The following REXO1 variants were observed in gnomAD, a reference collection of about 807,000 sequenced individuals.
REXO1 encodes the protein RNA exonuclease 1 homolog.
In REXO1, 42 loss-of-function variants were observed where a neutral mutation model predicts 102.6. The observed-to-expected ratio is 0.41, with a 90% CI of 0.32 to 0.53. REXO1 has a LOEUF of 0.53. Ranked by LOEUF, REXO1 falls within the 20% of genes least tolerant of loss-of-function variation. REXO1 has a pLI of 0.27. For synonymous variants in REXO1, 908 were observed against 779.1 expected, an observed-to-expected ratio of 1.17 and a Z score of -2.76; for missense variants, 1,819 against 1,732.5, an observed-to-expected ratio of 1.05 and a Z score of -0.89.
intron 5 of REXO1, 96 bp from the exon 6 acceptor site, chr19:1,820,491 A>T: frequency 7.0e-7 from 1 of 1,435,150 alleles, no homozygotes; most frequent in South Asian, 1.2e-5. Flanking sequence ...GGCTGGAGGC[A>T]AGAGTGAGGT....
At chr19:1,834,373 CA>C (rs2145307312) in intron 1 of REXO1, among the ~76,000 whole-genome samples, 1 of 152,248 alleles carries the variant, frequency 6.6e-6, no homozygotes, top group Non-Finnish European at 1.5e-5. Flanking sequence ...GATAAGGGTC[CA>C]ATCTGGGGGA....
intron 1 of REXO1, among the ~76,000 whole-genome samples, chr19:1,837,517 C>G (rs116252480): frequency 1.3e-5 from 2 of 152,184 alleles, no homozygotes; most frequent in African/African-American, 2.4e-5. Flanking sequence ...CAGCCAGTGC[C>G]GGGGGCCTGG....
At position 1,817,253 on chromosome 19, in the gene REXO1, G is replaced by C. The variant is rs200984356; in HGVS notation, c.3167C>G (p.Thr1056Ser). 4 of 1,613,142 alleles carry C rather than the reference G, an allele frequency of 2.5e-6. No homozygotes were observed. The African/African-American group carries it at 4.0e-5, about 16-fold the overall frequency. The change falls in exon 12 of 16, where the codon ACC (threonine) becomes AGC (serine). Residue 1056 changes from threonine (T) to serine (S), a missense_variant. Coordinates refer to ENST00000170168, the MANE Select transcript of REXO1 (RefSeq NM_020695.4). ...GTCCAGGGCGTAGATCCCCGGGTGG[G>C]TGTCTCCTGAGAGCTCTTTCTCAAA... ...KTFEKELSGD[T>S]HPGIYALDCE...
At position 1,819,036 on chromosome 19, in the gene REXO1, G is replaced by C. The variant is rs754370433; in HGVS notation, c.2746C>G (p.Arg916Gly). 1.9e-6 allele frequency: 3 copies of C among 1,598,670 alleles called. No homozygotes were observed. The highest frequency in any genetic ancestry group is 2.6e-6 in the Non-Finnish European group (3 of 1,171,822). The change falls in exon 8 of 16, where the codon CGG becomes GGG. Residue 916 changes from arginine (R) to glycine (G), a missense_variant. Arg to Gly is a moderately radical substitution (Grantham distance 125). Coordinates refer to ENST00000170168, the MANE Select transcript of REXO1 (RefSeq NM_020695.4). ...GCCTTACCTTTCAGGTCCTCCACCC[G>C]GGGGCTGCTTGGACGGCTGAGCGAG... ...SFSLSRPSSP[R>G]VEDLKGAALY...
chr19:1,823,686 C>T lies in REXO1; in HGVS notation c.2116G>A (p.Ala706Thr), dbSNP rs746583790. 3.1e-6 allele frequency: 4 copies of T among 1,288,144 alleles called. No homozygotes were observed. Among genetic ancestry groups the T allele is most frequent in the East Asian group, 3.0e-5 (1 of 33,308 alleles). 79.8% of individuals were successfully genotyped at this position (1,288,144 alleles called of 1,614,324 possible). A position where few individuals can be genotyped will look rare whatever the true frequency, so the allele number is the denominator to read the frequency against. The change falls in exon 4 of 16, where the codon GCG becomes ACG. Residue 706 changes from alanine (A) to threonine (T), a missense_variant. Coordinates refer to ENST00000170168, the MANE Select transcript of REXO1 (RefSeq NM_020695.4). ...CTGGCGGGGGCCTGCAGCAAGCTCG[C>T]CGATGCCCTCTGCGCCTGCTGGGCC... is the stretch of plus-strand genomic sequence containing the variant. ...LRAQQAQRAS[A>T]SLLQAPARLA...
rs1473124619 is a variant in REXO1 at position 1,826,375 on chromosome 19, G to A, written c.1912-432C>T. The stretch of plus-strand genomic sequence containing the variant: ...GCCCAGGAGAGCAAGAGCTCGCCAC[G>A]CTGGGAGTAGGGAGGAGGGAGGGGA... On this transcript the variant is annotated intron_variant, in intron 2 of 15. Coordinates refer to ENST00000170168, the MANE Select transcript of REXO1 (RefSeq NM_020695.4). The surrounding 1 kb of genome is among the most constrained non-coding windows in gnomAD (Gnocchi z 4.3). 6.6e-6 allele frequency among the ~76,000 whole-genome samples: 1 copy of A among 151,838 alleles called. No individual in the cohort carries two copies. Among genetic ancestry groups the A allele is most frequent in the African/African-American group, 2.4e-5 (1 of 41,300 alleles).
chr19:1,835,986 C>T (rs571390283), intron 1 of REXO1, among the ~76,000 whole-genome samples: 10 of 152,358 alleles, frequency 6.6e-5, no homozygotes, highest in Admixed American at 4.6e-4. Flanking sequence ...AGCCCCGGGA[C>T]GGGCTGGATG....
rs1231885271 is a variant in REXO1 at position 1,838,146 on chromosome 19, C to T, written c.158-9515G>A. On this transcript the variant is annotated intron_variant, in intron 1 of 15. Coordinates refer to ENST00000170168, the MANE Select transcript of REXO1 (RefSeq NM_020695.4). Reference sequence around the variant, plus strand: ...ACCAGCCTGGCCAACATGGGGAAACCCCGTCCCTACTAAAACTACAAAAAA... The same window carrying T: ...ACCAGCCTGGCCAACATGGGGAAACTCCGTCCCTACTAAAACTACAAAAAA... Among the ~76,000 whole-genome samples, 8 of 151,866 alleles carry T rather than the reference C, an allele frequency of 5.3e-5. No homozygotes were observed. The South Asian group carries it at 1.7e-3, about 32-fold the overall frequency.
At position 1,826,129 on chromosome 19, in the gene REXO1, C is replaced by T. The variant is rs578177847; in HGVS notation, c.1912-186G>A. ...TGCAGTCGGAGGGGTGGGCAGGTGT[C>T]ACACGTTCTGCAGATGCCCAAGGCT... is the stretch of plus-strand genomic sequence containing the variant. On this transcript the variant is annotated intron_variant, in intron 2 of 15. Transcript: ENST00000170168. This position sits in a 1 kb window ranked among gnomAD's most constrained non-coding sequence, Gnocchi z 4.3. Among the ~76,000 whole-genome samples, 1 of 152,272 alleles carries T rather than the reference C, an allele frequency of 6.6e-6. No individual in the cohort carries two copies. The highest frequency in any genetic ancestry group is 2.1e-4 in the South Asian group (1 of 4,824).
rs200958598 is a variant in REXO1 at position 1,828,599 on chromosome 19, G to A, written c.190C>T (p.Pro64Ser). The change falls in exon 2 of 16, where the codon CCC becomes TCC. Residue 64 changes from proline (P) to serine (S), a missense_variant. Physicochemically the swap from Pro to Ser is moderately conservative, Grantham distance 74. Coordinates refer to ENST00000170168, the MANE Select transcript of REXO1 (RefSeq NM_020695.4). ...LGYDPYNPEL[P>S]KPPAQRENGT... ...TTCTCCCTCTGCGCGGGGGGCTTGG[G>A]CAGCTCAGGGTTGTAGGGGTCGTAA... 1.2e-6 allele frequency: 2 copies of A among 1,602,494 alleles called. No individual in the cohort carries two copies. The highest frequency in any genetic ancestry group is 1.7e-6 in the Non-Finnish European group (2 of 1,179,726).
Position 1,815,597 on chromosome 19 carries a change from C to A in REXO1, c.*469G>T. ...GAGGGAAGGCAGCAGGCCCGCTCTT[C>A]CCGGTGGGAAAGATGCTGTGCAAGT... On this transcript the variant is annotated 3_prime_UTR_variant, in exon 16 of 16. Transcript: ENST00000170168. This position sits in a 1 kb window ranked among gnomAD's most constrained non-coding sequence, Gnocchi z 4.0. The A allele has an allele frequency of 1.0e-6, 1 of 963,934 alleles. No homozygotes were observed. Among genetic ancestry groups the A allele is most frequent in the Non-Finnish European group, 1.3e-6 (1 of 751,274 alleles). The allele number at this position is 963,934 out of a possible 1,614,324, so 59.7% of individuals were successfully genotyped here.
rs142299409 is a variant in REXO1 at position 1,816,519 on chromosome 19, C to A, written c.3368G>T (p.Arg1123Leu). 1.2e-6 allele frequency: 2 copies of A among 1,612,198 alleles called. No homozygotes were observed. The highest frequency in any genetic ancestry group is 1.7e-6 in the Non-Finnish European group (2 of 1,179,572). ...ADLADTSVTL[R>L]DVQAVLLSMF... ...GCTCAGCAGAACGGCCTGGACGTCA[C>A]GCAGCGTGACACTTGTGTCGGCAAG... The change falls in exon 14 of 16, where the codon CGT becomes CTT. Residue 1123 changes from arginine (R) to leucine (L), a missense_variant. Coordinates refer to ENST00000170168, the MANE Select transcript of REXO1 (RefSeq NM_020695.4).
At position 1,823,577 on chromosome 19, in the gene REXO1, G is replaced by T. The variant is rs1449178531; in HGVS notation, c.2225C>A (p.Ala742Asp). 7.6e-7 allele frequency: 1 copy of T among 1,309,986 alleles called. No homozygotes were observed. The highest frequency in any genetic ancestry group is 3.8e-5 in the Admixed American group (1 of 26,600). The allele number at this position is 1,309,986 out of a possible 1,614,324, so 81.1% of individuals were successfully genotyped here. The change falls in exon 4 of 16, where the codon GCT becomes GAT. Residue 742 changes from alanine to aspartate, a missense_variant. Ala to Asp is a moderately radical substitution (Grantham distance 126). Transcript: ENST00000170168. ...CCCCCTGGGCCAGGACTCACCTGCA[G>T]CCAGGCGGGGGTTGGGGATGTGGGC... ...RIAHIPNPRL[A>D]AAPTGAKRTL...
At chr19:1,840,012 G>T (rs1268595326) in intron 1 of REXO1, among the ~76,000 whole-genome samples, 3 of 152,218 alleles carry the variant, frequency 2.0e-5, no homozygotes, top group Admixed American at 2.0e-4. Flanking sequence ...GTGAGAGGAG[G>T]AGGGAGGGGT....
Position 1,839,584 on chromosome 19 carries a change from G to A in REXO1, c.157+8618C>T, listed in dbSNP as rs138823757. On this transcript the variant is annotated intron_variant, in intron 1 of 15. Transcript: ENST00000170168. ...CTTGGTGACCTGTGTGCAGATGCTG[G>A]GGGGACGGGGTGCTGGCTGGCAATG... Among the ~76,000 whole-genome samples, 469 of 152,354 alleles carry A rather than the reference G, an allele frequency of 3.1e-3. 2 individuals carry two copies. The highest frequency in any genetic ancestry group is 7.1e-3 in the Admixed American group (108 of 15,308).
rs1001928846 is a variant in REXO1 at position 1,828,030 on chromosome 19, C to A, written c.759G>T (p.Glu253Asp). The A allele has an allele frequency of 1.9e-6, 3 of 1,612,728 alleles. No individual in the cohort carries two copies. In the African/African-American group the frequency reaches 4.0e-5, roughly 22 times the overall value. ...AGCCCCGGGGCCGCTTGGCGGCCCGCTCATCCCGGGAGCTGGCCCTGCTGA... is the reference window on the plus strand; with the variant it reads ...AGCCCCGGGGCCGCTTGGCGGCCCGATCATCCCGGGAGCTGGCCCTGCTGA... ...RHLSRASSRD[E>D]RAAKRPRGSR... The change falls in exon 2 of 16, where the codon GAG (glutamate) becomes GAT (aspartate). Residue 253 changes from glutamate (E) to aspartate (D), a missense_variant. Glu to Asp is a conservative substitution (Grantham distance 45). Transcript: ENST00000170168.
rs267605357 is a variant in REXO1 at position 1,827,698 on chromosome 19, G to T, written c.1091C>A (p.Ser364Tyr). Reference sequence around the variant, plus strand: ...CTTGGGGCAGCCCCCATCCTGTGAGGACTGGACCTGGGCTGGGGAGGCGGG... The same window carrying T: ...CTTGGGGCAGCCCCCATCCTGTGAGTACTGGACCTGGGCTGGGGAGGCGGG... ...AKPASPAQVQ[S>Y]SQDGGCPKEG... The change falls in exon 2 of 16, where the codon TCC (serine) becomes TAC (tyrosine). Residue 364 changes from serine (S) to tyrosine (Y), a missense_variant. Physicochemically the swap from Ser to Tyr is moderately radical, Grantham distance 144 (BLOSUM62 -2). Transcript: ENST00000170168. 1 of 1,569,924 alleles carries T rather than the reference G, an allele frequency of 6.4e-7. No homozygotes were observed. The highest frequency in any genetic ancestry group is 8.5e-7 in the Non-Finnish European group (1 of 1,170,936).
In REXO1 at chr19:1,826,573, G is replaced by A. The variant is rs1488435337; in HGVS notation, c.1911+305C>T. ...TGTGCCGGAGGTGGATTCCCCTGAG[G>A]TGGGTGGGTGGGCCAATATCCCCCT... On this transcript the variant is annotated intron_variant, in intron 2 of 15. Coordinates refer to ENST00000170168, the MANE Select transcript of REXO1 (RefSeq NM_020695.4). This position sits in a 1 kb window ranked among gnomAD's most constrained non-coding sequence, Gnocchi z 4.3. Among the ~76,000 whole-genome samples, 1 of 151,670 alleles carries A rather than the reference G, an allele frequency of 6.6e-6. No individual in the cohort carries two copies. Among genetic ancestry groups the A allele is most frequent in the Non-Finnish European group, 1.5e-5 (1 of 67,908 alleles).
chr19:1,817,944 G>C (rs2304613), intron 10 of REXO1, among the ~76,000 whole-genome samples, 164 bp from the exon 11 acceptor site: 49,667 of 152,068 alleles, frequency 0.33, 9,399 homozygotes, highest in African/African-American at 0.52. Context: ...CCCGGCAGTC[G>C]TGTGGCAGCC....
Sources: gnomAD v4.1 joint callset for allele counts (sites outside exome capture counted in the v4.1 genomes callset) on GRCh38, gnomAD v4.1.1 for gene constraint, Gnocchi (gnomAD v3.1) non-coding constraint, MANE v1.5 for transcripts, NCBI Gene and HGNC (gene_info 2026-07-23, HGNC 2026-07-21) for gene names.